Variants in AP2A2 observed in about 807,000 individuals in gnomAD.
AP2A2 encodes the protein AP-2 complex subunit alpha-2.
A neutral mutation model predicts 104.2 loss-of-function variants in AP2A2; 32 were observed. The ratio of observed to expected loss-of-function variants is 0.31; its 90% CI spans 0.23 to 0.41. The LOEUF (loss-of-function observed/expected upper bound fraction) is 0.41. Ranked by LOEUF, AP2A2 falls within the 10% of genes least tolerant of loss-of-function variation. The pLI is 1.00. For missense variants in AP2A2, 912 were observed against 1,261.0 expected, an observed-to-expected ratio of 0.72 and a Z score of 4.19; for synonymous variants, 539 against 533.3, an observed-to-expected ratio of 1.01 and a Z score of -0.15.
At chr11:1,000,015 C>G (rs1428176703) in intron 14 of AP2A2, among the ~76,000 whole-genome samples, 1 of 151,606 alleles carries the variant, frequency 6.6e-6, no homozygotes, top group Non-Finnish European at 1.5e-5. Flanking sequence ...ACCGTGTTAG[C>G]CAGGGTGGTC....
chr11:977,349 T>A, intron 5 of AP2A2, 125 bp downstream of exon 5: 1 of 1,322,570 alleles, frequency 7.6e-7, no homozygotes, highest in Non-Finnish European at 1.0e-6. Flanking sequence ...CTGCTGTGGC[T>A]GCGTGCTGAG....
chr11:1,003,662 A>C, intron 15 of AP2A2, 60 bp from the exon 16 acceptor site: 1 of 1,182,576 alleles, frequency 8.5e-7, no homozygotes, highest in East Asian at 2.6e-5. Flanking sequence ...TTCCAGAACA[A>C]ACCCTTGTGT....
chr11:961,295 C>G (rs1056990905), intron 2 of AP2A2, among the ~76,000 whole-genome samples: 1 of 146,598 alleles, frequency 6.8e-6, no homozygotes, highest in Non-Finnish European at 1.5e-5. Context: ...TCGCCGCCAC[C>G]AGTGAAAAGT....
At chr11:990,659 A>C (rs1448246525) in intron 10 of AP2A2, among the ~76,000 whole-genome samples, 9 of 130,110 alleles carry the variant, frequency 6.9e-5, no homozygotes, top group Non-Finnish European at 1.0e-4. Flanking sequence ...TTTCAGCCGG[A>C]CATGATGCTC....
At chr11:970,434 T>A in intron 3 of AP2A2, 123 bp downstream of exon 3, 2 of 1,271,082 alleles carry the variant, frequency 1.6e-6, no homozygotes, top group Non-Finnish European at 2.2e-6. Context: ...CACGTGGGTC[T>A]GCTGCAGATG....
intron 1 of AP2A2, among the ~76,000 whole-genome samples, chr11:956,234 C>G (rs1854229650): frequency 6.6e-6 from 1 of 152,012 alleles, no homozygotes; most frequent in African/African-American, 2.4e-5. Context: ...GTCATCTCGC[C>G]TCACTGCAGC....
intron 6 of AP2A2, among the ~76,000 whole-genome samples, chr11:982,579 T>C (rs1855285376): frequency 6.6e-6 from 1 of 152,194 alleles, no homozygotes; most frequent in Non-Finnish European, 1.5e-5. Flanking sequence ...TTCCTTTCTC[T>C]ATCTAGTTTG....
At chr11:962,506 G>T (rs1854474953) in intron 2 of AP2A2, among the ~76,000 whole-genome samples, 1 of 152,210 alleles carries the variant, frequency 6.6e-6, no homozygotes, top group Non-Finnish European at 1.5e-5. Context: ...GCTGAGGCGG[G>T]CGGATCGATT....
chr11:932,907 A>G, intron 1 of AP2A2: 1 of 357,644 alleles, frequency 2.8e-6, no homozygotes, highest in South Asian at 2.1e-5. Context: ...CTGTGTCAAG[A>G]TTTTGTAGTA....
rs545700490 is a variant in AP2A2 at position 967,568 on chromosome 11, G to A, written c.137-2601G>A. Among the ~76,000 whole-genome samples, 18 of 149,358 alleles carry A rather than the reference G, an allele frequency of 1.2e-4. No homozygotes were observed. The East Asian group carries it at 1.8e-3, about 15-fold the overall frequency. On this transcript the variant is annotated intron_variant, in intron 2 of 21. Coordinates refer to ENST00000448903, the MANE Select transcript of AP2A2 (RefSeq NM_012305.4). The stretch of plus-strand genomic sequence containing the variant: ...GTAGAGACAGGATTTCACCGTGTTA[G>A]TCAGGATGGTCTCTATCTCCTGACC...
At chr11:952,778 T>G (rs942319897) in intron 1 of AP2A2, among the ~76,000 whole-genome samples, 3 of 152,186 alleles carry the variant, frequency 2.0e-5, no homozygotes, top group Admixed American at 2.0e-4. Context: ...CTTTACCCTT[T>G]CAGAATTCAG....
rs1415609119 is a variant in AP2A2, at chr11:925,964, G to T, written c.-58G>T. The T allele has an allele frequency of 2.1e-5, 28 of 1,309,650 alleles. No homozygotes were observed. Among genetic ancestry groups the T allele is most frequent in the Non-Finnish European group, 2.7e-5 (27 of 999,844 alleles). The allele number at this position is 1,309,650 out of a possible 1,614,324, so 81.1% of individuals were successfully genotyped here. ...ACGGCGACCGCACTCCCCGCTTCCC[G>T]CTCCCCGCGCTCCTCCGCCCGGGTC... On this transcript the variant is annotated 5_prime_UTR_variant, in exon 1 of 22. Transcript: ENST00000448903.
At chr11:1,003,366 G>A (rs1444360499) in intron 15 of AP2A2, among the ~76,000 whole-genome samples, 1 of 152,266 alleles carries the variant, frequency 6.6e-6, no homozygotes, top group East Asian at 1.9e-4. Flanking sequence ...CTCAGCACCC[G>A]TGTTGGATGG....
chr11:978,143 C>T (rs1768310698), intron 5 of AP2A2, among the ~76,000 whole-genome samples: 1 of 152,150 alleles, frequency 6.6e-6, no homozygotes, highest in Non-Finnish European at 1.5e-5. Flanking sequence ...GCGGGTGAAG[C>T]AGCTATGTGG....
chr11:983,558 A>ATTT (rs373889662), intron 6 of AP2A2, among the ~76,000 whole-genome samples: 1 of 150,670 alleles, frequency 6.6e-6, no homozygotes, highest in South Asian at 2.1e-4. Context: ...AATTTTTTGT[A>ATTT]TTTTTTAGTA....
chr11:977,352 G>T, intron 5 of AP2A2, 128 bp downstream of exon 5: 1 of 1,277,706 alleles, frequency 7.8e-7, no homozygotes. Flanking sequence ...CTGTGGCTGC[G>T]TGCTGAGGCC....
chr11:994,492 C>T (rs1855777721), intron 14 of AP2A2, among the ~76,000 whole-genome samples: 1 of 149,420 alleles, frequency 6.7e-6, no homozygotes, highest in Non-Finnish European at 1.5e-5. Flanking sequence ...ACTGTCCCTG[C>T]TGGACGCCCC....
chr11:969,021 G>A (rs1854721801), intron 2 of AP2A2, among the ~76,000 whole-genome samples: 1 of 152,036 alleles, frequency 6.6e-6, no homozygotes, highest in Non-Finnish European at 1.5e-5. Context: ...TTCACAAGAA[G>A]GGGGCCAGAG....
At chr11:987,084 C>A (rs546431226) in intron 9 of AP2A2, 131 bp downstream of exon 9, 3 of 1,095,680 alleles carry the variant, frequency 2.7e-6, no homozygotes, top group Non-Finnish European at 3.9e-6. Context: ...TGCTGGCCTC[C>A]GCCTGTCACC....
Sources: gnomAD v4.1 joint callset for allele counts (sites outside exome capture counted in the v4.1 genomes callset) on GRCh38, gnomAD v4.1.1 for gene constraint, MANE v1.5 for transcripts, NCBI Gene and HGNC (gene_info 2026-07-23, HGNC 2026-07-21) for gene names.